The following LRP1B variants were observed in gnomAD, a reference collection of about 807,000 sequenced individuals.
LRP1B encodes the protein LDL receptor related protein 1B.
LRP1B carries 217 observed loss-of-function variants against 556.6 expected under a neutral mutation model. That is an observed-to-expected ratio of 0.39 (90% CI 0.35 to 0.44). The LOEUF (loss-of-function observed/expected upper bound fraction) is 0.44. Among genes scored for constraint, LRP1B ranks in the 20% least tolerant of loss-of-function variants. The pLI is 1.00. For missense variants in LRP1B, 5,053 were observed against 5,620.8 expected (o/e 0.90, Z 3.23); for synonymous variants, 2,047 against 1,865.8 (o/e 1.10, Z -2.50).
intron 35 of LRP1B, among the ~76,000 whole-genome samples, chr2:140,720,354 TAAC>T (rs1400412899): frequency 1.3e-5 from 2 of 152,012 alleles, no homozygotes; most frequent in African/African-American, 4.8e-5. Flanking sequence ...TTTAAGATAA[TAAC>T]AATTATAATT....
At chr2:141,709,219 T>C (rs1267991881) in intron 2 of LRP1B, among the ~76,000 whole-genome samples, 4 of 151,684 alleles carry the variant, frequency 2.6e-5, no homozygotes, top group East Asian at 3.9e-4. Flanking sequence ...TGTGGTGGCA[T>C]GTGCCTGTAG....
chr2:141,827,199 G>A (rs1280660188), intron 1 of LRP1B, among the ~76,000 whole-genome samples: 3 of 152,198 alleles, frequency 2.0e-5, no homozygotes, highest in Non-Finnish European at 4.4e-5. Flanking sequence ...AGCTACATAT[G>A]CAATTTCATA....
chr2:140,920,135 G>A (rs1466741362), intron 21 of LRP1B, among the ~76,000 whole-genome samples: 1 of 151,886 alleles, frequency 6.6e-6, no homozygotes, highest in Admixed American at 6.6e-5. Context: ...TCTTTTCCAC[G>A]ACAGAGTGAC....
Position 141,761,343 on chromosome 2 carries a change from C to T in LRP1B, c.205+48936G>A, listed in dbSNP as rs937667759. 9.6e-5 allele frequency among the ~76,000 whole-genome samples: 11 copies of T among 114,890 alleles called. No individual in the cohort carries two copies. In the South Asian group the frequency reaches 1.6e-3, roughly 17 times the overall value. The allele number at this position is 114,890 out of a possible 152,430, so 75.4% of individuals were successfully genotyped here. ...TTATTTAATGCCTCAGGAATTTTCC[C>T]TCAGCAATCCTAAGTCAAAAAAAAA... On this transcript the variant is annotated intron_variant, in intron 2 of 90. Transcript: ENST00000389484.
At chr2:140,782,223 G>A (rs1689725097) in intron 32 of LRP1B, among the ~76,000 whole-genome samples, 2 of 152,078 alleles carry the variant, frequency 1.3e-5, no homozygotes, top group South Asian at 4.1e-4. Flanking sequence ...CATGGTTAGG[G>A]GCTAAATTGT....
chr2:141,147,509 G>T (rs140766897), intron 7 of LRP1B, among the ~76,000 whole-genome samples: 1 of 152,046 alleles, frequency 6.6e-6, no homozygotes, highest in Non-Finnish European at 1.5e-5. Context: ...TATTAACAGA[G>T]AGCATTTTTT....
chr2:141,447,773 C>T (rs113141425), intron 3 of LRP1B, among the ~76,000 whole-genome samples: 34 of 152,272 alleles, frequency 2.2e-4, no homozygotes, highest in African/African-American at 7.2e-4. Flanking sequence ...GCTGCCTGTT[C>T]CTTCCTCTGG....
intron 3 of LRP1B, among the ~76,000 whole-genome samples, chr2:141,425,921 T>G (rs1680344821): frequency 6.7e-6 from 1 of 150,286 alleles, no homozygotes; most frequent in South Asian, 2.1e-4. Context: ...GCTCTTTAGT[T>G]TAATTAGATC....
At chr2:141,047,075 A>C (rs1698896311) in intron 11 of LRP1B, among the ~76,000 whole-genome samples, 1 of 15,516 alleles carries the variant, frequency 6.4e-5, no homozygotes, top group South Asian at 2.4e-3. Flanking sequence ...AATAATAATA[A>C]TAATAATAAT....
At chr2:140,373,998 CCTT>C (rs1466298338) in intron 68 of LRP1B, among the ~76,000 whole-genome samples, 1 of 152,146 alleles carries the variant, frequency 6.6e-6, no homozygotes, top group African/African-American at 2.4e-5. Flanking sequence ...TTGCAGTTCT[CCTT>C]CTCCTCTTTT....
intron 1 of LRP1B, among the ~76,000 whole-genome samples, chr2:142,121,783 C>T (rs995244451): frequency 2.6e-5 from 4 of 152,098 alleles, no homozygotes; most frequent in Non-Finnish European, 5.9e-5. Context: ...TTGCTTCATT[C>T]CAACCACGTA....
chr2:141,888,514 T>C (rs1208817489), intron 1 of LRP1B, among the ~76,000 whole-genome samples: 1 of 152,150 alleles, frequency 6.6e-6, no homozygotes, highest in East Asian at 1.9e-4. Flanking sequence ...GTACTTCTGT[T>C]TCTGAGAAGA....
At chr2:140,510,138 G>C in intron 51 of LRP1B, 82 bp from the exon 52 acceptor site, 1 of 1,457,410 alleles carries the variant, frequency 6.9e-7, no homozygotes, top group East Asian at 2.3e-5. Flanking sequence ...CTACAGTAAG[G>C]GGGGAAGCAG....
At chr2:140,971,537 CTTT>C (rs1384035294) in intron 18 of LRP1B, among the ~76,000 whole-genome samples, 1 of 152,156 alleles carries the variant, frequency 6.6e-6, no homozygotes, top group Admixed American at 6.5e-5. Flanking sequence ...CTCTGATCTT[CTTT>C]TAAGATAAGA....
At position 140,234,776 on chromosome 2, in the gene LRP1B, C is replaced by A. The variant is rs137949946; in HGVS notation, c.13659+10G>T. On this transcript the variant is annotated intron_variant, in intron 90 of 90. Transcript: ENST00000389484. ...AAACGGACATGAAATAACGAATATT[C>A]TTCTCTCACCCCAGCAGTTAGTGGT... 603 of 771,908 alleles carry A rather than the reference C, an allele frequency of 7.8e-4. 3 individuals carry two copies. In the African/African-American group the frequency reaches 8.7e-3, roughly 11 times the overall value. The allele number at this position is 771,908 out of a possible 1,614,324, so 47.8% of individuals were successfully genotyped here.
intron 43 of LRP1B, among the ~76,000 whole-genome samples, chr2:140,579,099 G>A (rs996066615): frequency 3.9e-5 from 6 of 152,088 alleles, no homozygotes; most frequent in Non-Finnish European, 7.4e-5. Flanking sequence ...GAGAAGGGGA[G>A]AAATCTTAAA....
Position 141,641,055 on chromosome 2 carries a change from G to A in LRP1B, c.206-160522C>T, listed in dbSNP as rs1367962460. ...TCAATATCCATTGAGAGAAACAATC[G>A]TTATAAACATTATACATGGAGGTAT... On this transcript the variant is annotated intron_variant, in intron 2 of 90. Coordinates refer to ENST00000389484, the MANE Select transcript of LRP1B (RefSeq NM_018557.3). Among the ~76,000 whole-genome samples the A allele has an allele frequency of 2.6e-5, 4 of 152,024 alleles. No homozygotes were observed. The East Asian group carries it at 7.7e-4, about 29-fold the overall frequency.
intron 69 of LRP1B, among the ~76,000 whole-genome samples, chr2:140,371,953 A>G (rs999218640): frequency 2.6e-5 from 4 of 152,068 alleles, no homozygotes; most frequent in Non-Finnish European, 5.9e-5. Flanking sequence ...TACAAGTGTA[A>G]TATTTGCAAG....
At chr2:141,726,505 T>C (rs879351574) in intron 2 of LRP1B, among the ~76,000 whole-genome samples, 6 of 152,054 alleles carry the variant, frequency 3.9e-5, no homozygotes, top group Non-Finnish European at 7.4e-5. Flanking sequence ...CTTGAAGTTA[T>C]AGTGAATTGG....
Sources: allele counts gnomAD v4.1 joint callset (sites outside exome capture counted in the v4.1 genomes callset), GRCh38; gene constraint gnomAD v4.1.1; transcripts MANE v1.5; gene names NCBI Gene and HGNC (gene_info 2026-07-23, HGNC 2026-07-21).